COL18A1: variants seen among roughly 807,000 people sequenced by gnomAD.
COL18A1 encodes the protein collagen type XVIII alpha 1 chain, also known as collagen alpha-1(XVIII) chain.
A neutral mutation model predicts 168.0 loss-of-function variants in COL18A1; 133 were observed. The observed-to-expected ratio is 0.79, with a 90% CI of 0.69 to 0.91. The LOEUF is 0.91. COL18A1 is among the 40% of genes least tolerant of loss of function. The probability of loss-of-function intolerance (pLI) is 0.00; values close to 1 mark genes in which losing one functional copy is unlikely to be tolerated. For synonymous variants in COL18A1, 949 were observed against 809.0 expected, an observed-to-expected ratio of 1.17 and a Z score of -2.94; for missense variants, 2,126 against 1,925.4, an observed-to-expected ratio of 1.10 and a Z score of -1.95.
At chr21:45,445,376 C>A (rs891284590) in intron 2 of COL18A1, among the ~76,000 whole-genome samples, 1 of 152,210 alleles carries the variant, frequency 6.6e-6, no homozygotes, top group African/African-American at 2.4e-5. Flanking sequence ...GACTTCTGAG[C>A]GGTGTCCACC....
At chr21:45,489,572 GC>G in intron 19 of COL18A1, 51 bp downstream of exon 19, 3 of 1,362,260 alleles carry the variant, frequency 2.2e-6, no homozygotes, top group Non-Finnish European at 3.0e-6. Flanking sequence ...GGCAGGGAGG[GC>G]CCAGCCGGAC....
intron 4 of COL18A1, among the ~76,000 whole-genome samples, chr21:45,474,848 TTTTC>T (rs2035585766): frequency 2.2e-5 from 1 of 45,260 alleles, no homozygotes; most frequent in Admixed American, 3.1e-4. Context: ...CTTTCATGCT[TTTTC>T]TTTATTTTGC....
At position 45,438,382 on chromosome 21, in the gene COL18A1, ACT is replaced by A. The variant is rs926865665; in HGVS notation, c.107-29858_107-29857del. Among the ~76,000 whole-genome samples, 12 of 105,160 alleles carry A rather than the reference ACT, an allele frequency of 1.1e-4. 1 individual carries two copies. Among genetic ancestry groups the A allele is most frequent in the African/African-American group, 1.8e-4 (4 of 22,644 alleles). 69.0% of individuals were successfully genotyped at this position (105,160 alleles called of 152,430 possible). On this transcript the variant is annotated intron_variant, in intron 2 of 41. Transcript: ENST00000651438. ...CAGGCACTCTCCTGCACACACACAC[ACT>A]CACACACTCAGACCCTCACACTCCA...
chr21:45,452,694 TGA>T (rs199773270), intron 2 of COL18A1, among the ~76,000 whole-genome samples: 21 of 115,492 alleles, frequency 1.8e-4, no homozygotes, highest in Middle Eastern at 9.2e-3. Context: ...AGCATGTATG[TGA>T]GTTTGTGTAT....
At position 45,512,468 on chromosome 21, in the gene COL18A1, C is replaced by A; in HGVS notation, c.*70C>A. On this transcript the variant is annotated 3_prime_UTR_variant, in exon 42 of 42. Coordinates refer to ENST00000651438, the MANE Select transcript of COL18A1 (RefSeq NM_001379500.1). The stretch of plus-strand genomic sequence containing the variant: ...GGAAGCCCCCACCGTGGGCAGGGAG[C>A]GGCCGGCCAGCCCCTGGCCCCAGGA... The A allele has an allele frequency of 6.7e-7, 1 of 1,484,422 alleles. No homozygotes were observed. The highest frequency in any genetic ancestry group is 1.2e-5 in the South Asian group (1 of 83,940). The allele number at this position is 1,484,422 out of a possible 1,614,324, so 92.0% of individuals were successfully genotyped here.
chr21:45,469,277 A>G (rs965154261), intron 3 of COL18A1, among the ~76,000 whole-genome samples: 1 of 152,242 alleles, frequency 6.6e-6, no homozygotes, highest in Non-Finnish European at 1.5e-5. Flanking sequence ...TCGTGGCCCC[A>G]TGCAGAATGA....
rs948731296 is a variant in COL18A1, at chr21:45,425,227, A to T, written c.106+19754A>T. ...CCCCAGCCATGTGTGTGCTGAGTGC[A>T]GTGTGACCGCGTCCGCCCGTCTCCC... On this transcript the variant is annotated intron_variant, in intron 2 of 41. Transcript: ENST00000651438. The surrounding 1 kb of genome is among the most constrained non-coding windows in gnomAD (Gnocchi z 4.1). Among the ~76,000 whole-genome samples, 1 of 152,122 alleles carries T rather than the reference A, an allele frequency of 6.6e-6. No individual in the cohort carries two copies. Among genetic ancestry groups the T allele is most frequent in the African/African-American group, 2.4e-5 (1 of 41,430 alleles).
intron 38 of COL18A1, 27 bp from the exon 39 acceptor site, chr21:45,509,329 G>A (rs374052932): frequency 3.8e-5 from 58 of 1,541,154 alleles, no homozygotes; most frequent in African/African-American, 1.9e-4. Context: ...TCCCCCCGCC[G>A]ACAGGCCCCA....
chr21:45,411,758 G>A (rs1217274122), intron 2 of COL18A1, among the ~76,000 whole-genome samples: 1 of 135,946 alleles, frequency 7.4e-6, no homozygotes, highest in African/African-American at 2.8e-5. Flanking sequence ...AGGGCTGATG[G>A]CGGGGGGTGG....
rs1476771556 is a variant in COL18A1, at chr21:45,457,218, G to A, written c.107-11024G>A. Among the ~76,000 whole-genome samples the A allele has an allele frequency of 2.6e-5, 4 of 152,330 alleles. No individual in the cohort carries two copies. The highest frequency in any genetic ancestry group is 9.6e-5 in the African/African-American group (4 of 41,574). ...TCACAGAGGGGAAACTGAGGCGTGGGGCAGTGGCGTGACTCACCCCAGGGA... is the reference window on the plus strand; with the variant it reads ...TCACAGAGGGGAAACTGAGGCGTGGAGCAGTGGCGTGACTCACCCCAGGGA... On this transcript the variant is annotated intron_variant, in intron 2 of 41. Coordinates refer to ENST00000651438, the MANE Select transcript of COL18A1 (RefSeq NM_001379500.1). The surrounding 1 kb of genome is among the most constrained non-coding windows in gnomAD (Gnocchi z 4.6).
In COL18A1 at chr21:45,449,336, A is replaced by G. The variant is rs367621183; in HGVS notation, c.107-18906A>G. Among the ~76,000 whole-genome samples, 580 of 152,308 alleles carry G rather than the reference A, an allele frequency of 3.8e-3. 7 individuals carry two copies. In the Middle Eastern group the frequency reaches 0.044, roughly 12 times the overall value. On this transcript the variant is annotated intron_variant, in intron 2 of 41. Transcript: ENST00000651438. ...GTGCTTGGCATTAATTTAGGAGCCAAGAAGGCTCCCACCACTCGTGATCAC... is the reference window on the plus strand; with the variant it reads ...GTGCTTGGCATTAATTTAGGAGCCAGGAAGGCTCCCACCACTCGTGATCAC...
Position 45,480,815 on chromosome 21 carries a change from G to A in COL18A1, c.1568G>A (p.Gly523Asp), listed in dbSNP as rs2035865495. Residue 523 changes from glycine to aspartate, a missense_variant, in exon 13 of 42, where the codon GGT becomes GAT. By Grantham distance (94) the Gly-to-Asp change is moderately conservative (BLOSUM62 -1). Coordinates refer to ENST00000651438, the MANE Select transcript of COL18A1 (RefSeq NM_001379500.1). The stretch of plus-strand genomic sequence containing the variant: ...GTCCCAGGACCCGCCGGCCTTCCTG[G>A]TGTGCCTGGGCGCGAGGGTCCCCCC... Reference protein sequence around the residue: ...SDVPGPAGLPGVPGREGPPGF... With the variant: ...SDVPGPAGLPDVPGREGPPGF... The A allele has an allele frequency of 1.2e-6, 2 of 1,611,900 alleles. No individual in the cohort carries two copies. Among genetic ancestry groups the A allele is most frequent in the East Asian group, 2.2e-5 (1 of 44,864 alleles).
intron 2 of COL18A1, among the ~76,000 whole-genome samples, chr21:45,416,857 C>CG (rs2033464508): frequency 6.6e-6 from 1 of 152,118 alleles, no homozygotes; most frequent in Admixed American, 6.5e-5. Context: ...TGCATATGCT[C>CG]GTTCTGCATA....
At chr21:45,448,674 T>C (rs796386804) in intron 2 of COL18A1, among the ~76,000 whole-genome samples, 21 of 152,358 alleles carry the variant, frequency 1.4e-4, no homozygotes, top group African/African-American at 5.1e-4. Context: ...ACAGTGTCAT[T>C]GTCACGCCTG....
At chr21:45,509,888 C>T (rs897209047) in intron 39 of COL18A1, among the ~76,000 whole-genome samples, 176 bp from the exon 40 acceptor site, 4 of 152,206 alleles carry the variant, frequency 2.6e-5, no homozygotes, top group Admixed American at 1.3e-4. Context: ...CTGCTCTGAC[C>T]TGGCAGCGTA....
intron 7 of COL18A1, 89 bp from the exon 8 acceptor site, chr21:45,477,661 C>T: frequency 7.3e-7 from 1 of 1,365,656 alleles, no homozygotes; most frequent in Non-Finnish European, 1.0e-6. Context: ...AGCAGCCCAG[C>T]CTGGGACTCT....
rs2036224001 is a variant in COL18A1 at position 45,489,489 on chromosome 21, G to T, written c.1927G>T (p.Asp643Tyr). The T allele has an allele frequency of 1.9e-6, 3 of 1,602,334 alleles. No homozygotes were observed. Among genetic ancestry groups the T allele is most frequent in the South Asian group, 1.1e-5 (1 of 89,216 alleles). Residue 643 changes from aspartate to tyrosine, a missense_variant, in exon 19 of 42, where the codon GAT (aspartate) becomes TAT (tyrosine). Transcript: ENST00000651438. ...GPPGLPGLKGDPGVPGLPGAK... is the reference protein window; with the variant it reads ...GPPGLPGLKGYPGVPGLPGAK... ...CGGAGCCCCTTTTTTCACTTAGGGG[G>T]ATCCTGGCGTGCCTGGGCTGCCGGG...
chr21:45,485,742 A>G (rs977643071), intron 15 of COL18A1, among the ~76,000 whole-genome samples: 1 of 152,128 alleles, frequency 6.6e-6, no homozygotes, highest in Non-Finnish European at 1.5e-5. Context: ...GAGGGCGGGG[A>G]AAGCTCTGGC....
At chr21:45,479,369 A>G (rs1602494173) in intron 9 of COL18A1, among the ~76,000 whole-genome samples, 1 of 151,548 alleles carries the variant, frequency 6.6e-6, no homozygotes, top group Admixed American at 6.6e-5. Context: ...GTGTGCACAC[A>G]CACCACAGGT....
Sources: allele counts gnomAD v4.1 joint callset (sites outside exome capture counted in the v4.1 genomes callset), GRCh38; gene constraint gnomAD v4.1.1; non-coding constraint Gnocchi (gnomAD v3.1); transcripts MANE v1.5; gene names NCBI Gene and HGNC (gene_info 2026-07-23, HGNC 2026-07-21).